The following CSNK2A2IP variants were observed in gnomAD, a reference collection of about 807,000 sequenced individuals.
CSNK2A2IP encodes casein kinase 2 subunit alpha' interacting protein, also known as casein kinase II subunit alpha'-interacting protein.
the CSNK2A2IP span, among the ~76,000 whole-genome samples, chr3:88,385,251 A>T: frequency 2.6e-5 from 4 of 152,106 alleles, no homozygotes; most frequent in Non-Finnish European, 5.9e-5. Flanking sequence ...CGGGAGGAAA[A>T]CTGGGCGTGT....
chr3:88,338,689 A>T, the CSNK2A2IP span: 2 of 152,076 alleles, frequency 1.3e-5, no homozygotes, highest in African/African-American at 4.8e-5. Context: ...AGTGTGCTAA[A>T]GTCCTTCTGT....
At chr3:88,440,682 T>C in the CSNK2A2IP span, among the ~76,000 whole-genome samples, 28 of 152,328 alleles carry the variant, frequency 1.8e-4, no homozygotes, top group Middle Eastern at 0.027. Flanking sequence ...TGTTTTCATG[T>C]AGAAATTAAA....
chr3:88,465,694 C>T, the CSNK2A2IP span: 2 of 1,231,640 alleles, frequency 1.6e-6, no homozygotes, highest in Non-Finnish European at 2.0e-6. Flanking sequence ...TTCATTGTGG[C>T]CTGCTCAAAG....
chr3:88,383,635 C>G, the CSNK2A2IP span, among the ~76,000 whole-genome samples: 190 of 149,922 alleles, frequency 1.3e-3, 2 homozygotes, highest in African/African-American at 4.3e-3. Context: ...CCTATGGACA[C>G]CTGTTTCTTT....
At chr3:88,364,672 G>A in the CSNK2A2IP span, among the ~76,000 whole-genome samples, 1 of 152,056 alleles carries the variant, frequency 6.6e-6, no homozygotes, top group Non-Finnish European at 1.5e-5. Context: ...TAGAACAGTT[G>A]CTATTTTAAG....
chr3:88,453,355 T>A, the CSNK2A2IP span, among the ~76,000 whole-genome samples: 1 of 152,130 alleles, frequency 6.6e-6, no homozygotes, highest in Non-Finnish European at 1.5e-5. Flanking sequence ...AAACAAACAA[T>A]GCTAGGTTGC....
the CSNK2A2IP span, among the ~76,000 whole-genome samples, chr3:88,360,070 T>G: frequency 2.0e-5 from 3 of 152,284 alleles, no homozygotes; most frequent in East Asian, 5.8e-4. Flanking sequence ...TTATAATTGC[T>G]ATGTCCTTTT....
At chr3:88,385,215 A>C in the CSNK2A2IP span, among the ~76,000 whole-genome samples, 1 of 152,172 alleles carries the variant, frequency 6.6e-6, no homozygotes, top group African/African-American at 2.4e-5. Flanking sequence ...TTAGCAAAGG[A>C]GACTGAAAAT....
the CSNK2A2IP span, among the ~76,000 whole-genome samples, chr3:88,452,105 G>A: frequency 2.6e-5 from 4 of 151,694 alleles, no homozygotes; most frequent in African/African-American, 9.7e-5. Context: ...AATTTACCCT[G>A]TTTCATACCA....
chr3:88,400,841 G>C, the CSNK2A2IP span, among the ~76,000 whole-genome samples: 1 of 152,118 alleles, frequency 6.6e-6, no homozygotes, highest in African/African-American at 2.4e-5. Context: ...TGTTATATAA[G>C]CAACAAGAAA....
the CSNK2A2IP span, among the ~76,000 whole-genome samples, chr3:88,401,043 A>C: frequency 1.3e-5 from 2 of 152,188 alleles, no homozygotes; most frequent in Admixed American, 6.6e-5. Context: ...TAAGGCCTTG[A>C]AATACATGCA....
the CSNK2A2IP span, among the ~76,000 whole-genome samples, chr3:88,423,890 C>T: frequency 6.6e-6 from 1 of 152,018 alleles, no homozygotes; most frequent in African/African-American, 2.4e-5. Flanking sequence ...TACAATGTTT[C>T]CAGAAAAAAA....
chr3:88,410,946 T>A, the CSNK2A2IP span, among the ~76,000 whole-genome samples: 1 of 151,994 alleles, frequency 6.6e-6, no homozygotes, highest in East Asian at 1.9e-4. Context: ...GATTTCTCAT[T>A]TTAACTGCTG....
At chr3:88,369,195 G>T in the CSNK2A2IP span, among the ~76,000 whole-genome samples, 1 of 152,016 alleles carries the variant, frequency 6.6e-6, no homozygotes, top group African/African-American at 2.4e-5. Flanking sequence ...GAACAAAAAG[G>T]AGAGTGAAAA....
At chr3:88,350,799 C>T in the CSNK2A2IP span, among the ~76,000 whole-genome samples, 1 of 152,070 alleles carries the variant, frequency 6.6e-6, no homozygotes, top group Non-Finnish European at 1.5e-5. Context: ...CCAGACAGCC[C>T]TTGTCAGTAT....
chr3:88,391,547 T>G, the CSNK2A2IP span, among the ~76,000 whole-genome samples: 4 of 152,224 alleles, frequency 2.6e-5, no homozygotes, highest in African/African-American at 9.6e-5. Flanking sequence ...TTATTTTGTT[T>G]CATCCTTTGT....
At chr3:88,448,707 T>A in the CSNK2A2IP span, among the ~76,000 whole-genome samples, 1 of 152,188 alleles carries the variant, frequency 6.6e-6, no homozygotes, top group Non-Finnish European at 1.5e-5. Context: ...CACTTGGAGG[T>A]GTTAGTCTAC....
At chr3:88,461,184 C>T in the CSNK2A2IP span, among the ~76,000 whole-genome samples, 64 of 152,142 alleles carry the variant, frequency 4.2e-4, no homozygotes, top group African/African-American at 1.5e-3. Flanking sequence ...AACTATATTA[C>T]GATTTATTTA....
chr3:88,461,925 G>T, the CSNK2A2IP span, among the ~76,000 whole-genome samples: 1 of 151,750 alleles, frequency 6.6e-6, no homozygotes, highest in Non-Finnish European at 1.5e-5. Flanking sequence ...TTTTTGTAGA[G>T]ACAGGATTTT....
Sources: allele counts gnomAD v4.1 joint callset (sites outside exome capture counted in the v4.1 genomes callset), GRCh38; gene constraint gnomAD v4.1.1; transcripts MANE v1.5; gene names NCBI Gene and HGNC (gene_info 2026-07-23, HGNC 2026-07-21).